The following THAP5 variants were observed in gnomAD, a reference collection of about 807,000 sequenced individuals.
The protein encoded by THAP5 is THAP domain containing 5, also known as THAP domain-containing protein 5.
Under a neutral mutation model 34.0 loss-of-function variants are expected in THAP5, and 26 were observed. The observed-to-expected ratio is 0.77, with a 90% confidence interval of 0.56 to 1.06. The LOEUF is 1.06. THAP5 is among the 50% of genes least tolerant of loss of function. The pLI is 0.00. For missense variants in THAP5, 394 were observed against 452.8 expected, an observed-to-expected ratio of 0.87 and a Z score of 1.18; for synonymous variants, 125 against 153.0, an observed-to-expected ratio of 0.82 and a Z score of 1.35.
chr7:108,566,757 C>T (rs1342554502), intron 1 of THAP5, among the ~76,000 whole-genome samples: 3 of 152,042 alleles, frequency 2.0e-5, no homozygotes, highest in Non-Finnish European at 2.9e-5. Flanking sequence ...GGCAAGACAG[C>T]GCTGTATACA....
chr7:108,560,059 A>G (rs1198421312), downstream of THAP5, among the ~76,000 whole-genome samples: 2 of 152,206 alleles, frequency 1.3e-5, no homozygotes, highest in African/African-American at 4.8e-5. Flanking sequence ...CTCTAAATTT[A>G]TTATGTTAAA....
At chr7:108,557,103 C>T (rs1864391649) in intron 1 of THAP5, among the ~76,000 whole-genome samples, 1 of 152,244 alleles carries the variant, frequency 6.6e-6, no homozygotes, top group South Asian at 2.1e-4. Flanking sequence ...TGCAGGGTGC[C>T]ATGTCCCAGG....
At chr7:108,559,971 T>A (rs540146800), downstream of THAP5, among the ~76,000 whole-genome samples, 2 of 152,356 alleles carry the variant, frequency 1.3e-5, no homozygotes, top group East Asian at 3.9e-4. Context: ...TAGAGCTTCT[T>A]TTATTAAAAC....
chr7:108,547,161 C>T, the THAP5 span, among the ~76,000 whole-genome samples: 13 of 152,158 alleles, frequency 8.5e-5, no homozygotes, highest in Non-Finnish European at 1.3e-4. Flanking sequence ...GTATAGTGTC[C>T]GTCATCTGTC....
chr7:108,565,241 T>C, intron 2 of THAP5, 136 bp from the exon 3 acceptor site: 1 of 610,322 alleles, frequency 1.6e-6, no homozygotes, highest in Admixed American at 3.5e-5. Context: ...AGAGTATATA[T>C]ACCTTAAAGT....
chr7:108,545,145 G>A, the THAP5 span, among the ~76,000 whole-genome samples: 4 of 152,154 alleles, frequency 2.6e-5, no homozygotes, highest in Non-Finnish European at 4.4e-5. Context: ...TAGACACACT[G>A]CCAAGAATGA....
At position 108,562,146 on chromosome 7, in the gene THAP5, T is replaced by C. The variant is rs1864440308; in HGVS notation, c.*2045A>G. 6.6e-6 allele frequency: 1 copy of C among 152,232 alleles called. No homozygotes were observed. The highest frequency in any genetic ancestry group is 6.5e-5 in the Admixed American group (1 of 15,282). The allele number at this position is 152,232 out of a possible 1,614,324, so 9.4% of individuals were successfully genotyped here. ...TTTTCAGATAGTCAACTTTTACTTA[T>C]AATTTATTAAAGAAATAAAGCTAGT... On this transcript the variant is annotated 3_prime_UTR_variant, in exon 3 of 3. Coordinates refer to ENST00000415914, the MANE Select transcript of THAP5 (RefSeq NM_001130475.3).
Position 108,569,596 on chromosome 7 carries a change from G to A in THAP5, c.-27C>T, listed in dbSNP as rs757029611. The A allele has an allele frequency of 9.0e-6, 14 of 1,550,032 alleles. No homozygotes were observed. In the African/African-American group the frequency reaches 1.2e-4, roughly 14 times the overall value. ...ACTCGGGTGAGGCCCCTGGAGACCGGGGCCGGCGACGGATGCAGGGCGGCC... is the reference window on the plus strand; with the variant it reads ...ACTCGGGTGAGGCCCCTGGAGACCGAGGCCGGCGACGGATGCAGGGCGGCC... On this transcript the variant is annotated 5_prime_UTR_variant, in exon 1 of 3. Transcript: ENST00000415914.
rs1283485707 is a variant in THAP5, at chr7:108,563,150, C to T, written c.*1041G>A. 1 of 152,008 alleles carries T rather than the reference C, an allele frequency of 6.6e-6. No homozygotes were observed. The highest frequency in any genetic ancestry group is 2.4e-5 in the African/African-American group (1 of 41,358). 9.4% of individuals were successfully genotyped at this position (152,008 alleles called of 1,614,324 possible). On this transcript the variant is annotated 3_prime_UTR_variant, in exon 3 of 3. Coordinates refer to ENST00000415914, the MANE Select transcript of THAP5 (RefSeq NM_001130475.3). ...TGATGGTTAGCCACATATAAGTTAC[C>T]GAAATACATATTCTTTCAAGTTTGA...
At chr7:108,549,381 A>G in the THAP5 span, among the ~76,000 whole-genome samples, 1 of 152,110 alleles carries the variant, frequency 6.6e-6, no homozygotes, top group Non-Finnish European at 1.5e-5. Flanking sequence ...CGGCCTCCCA[A>G]AGTGCTGGGA....
chr7:108,560,801 C>T (rs919728427), downstream of THAP5, among the ~76,000 whole-genome samples: 4 of 152,076 alleles, frequency 2.6e-5, no homozygotes, highest in East Asian at 3.9e-4. Context: ...CGTGCAGTGG[C>T]GCAGTCATGG....
rs1487411311 is a variant in THAP5 at position 108,564,569 on chromosome 7, A to G, written c.810T>C (p.Ser270=). The change falls in exon 3 of 3, where the codon TCT becomes TCC. Residue 270 remains serine, a synonymous_variant. Transcript: ENST00000415914. ...TVEELNTNKE[S]VIAIFVPAEN... ...CAGCAGGTACAAAAATGGCAATAAC[A>G]GATTCTTTATTTGTGTTTAATTCTT... 3 of 1,613,864 alleles carry G rather than the reference A, an allele frequency of 1.9e-6. No individual in the cohort carries two copies. Among genetic ancestry groups the G allele is most frequent in the South Asian group, 1.1e-5 (1 of 91,054 alleles).
At chr7:108,567,004 A>G (rs1331495436) in intron 1 of THAP5, among the ~76,000 whole-genome samples, 2 of 152,146 alleles carry the variant, frequency 1.3e-5, no homozygotes, top group Admixed American at 1.3e-4. Context: ...TCTCATATAA[A>G]ATGTAGCTGT....
chr7:108,543,200 T>C, the THAP5 span, among the ~76,000 whole-genome samples: 1 of 152,186 alleles, frequency 6.6e-6, no homozygotes, highest in African/African-American at 2.4e-5. Context: ...GTGCTGGGAT[T>C]ACCTGTGTGA....
At chr7:108,553,851 T>C (rs1205595693), downstream of THAP5, among the ~76,000 whole-genome samples, 1 of 152,172 alleles carries the variant, frequency 6.6e-6, no homozygotes, top group Non-Finnish European at 1.5e-5. Context: ...CTTTCTCTGG[T>C]TGCCACTGAG....
chr7:108,549,958 T>C (rs1205605506), downstream of THAP5, among the ~76,000 whole-genome samples: 1 of 152,234 alleles, frequency 6.6e-6, no homozygotes, highest in Non-Finnish European at 1.5e-5. Context: ...TTCCTTTTGC[T>C]TCTTTCTTGA....
chr7:108,549,284 G>C, the THAP5 span, among the ~76,000 whole-genome samples: 1 of 152,040 alleles, frequency 6.6e-6, no homozygotes, highest in East Asian at 1.9e-4. Flanking sequence ...ACCACGCCCA[G>C]CTAATTTTTG....
rs557868738 is a variant in THAP5 at position 108,562,611 on chromosome 7, A to G, written c.*1580T>C. The G allele has an allele frequency of 2.6e-5, 4 of 152,354 alleles. No individual in the cohort carries two copies. Among genetic ancestry groups the G allele is most frequent in the African/African-American group, 9.6e-5 (4 of 41,590 alleles). The allele number at this position is 152,354 out of a possible 1,614,324, so 9.4% of individuals were successfully genotyped here. A position where few individuals can be genotyped will look rare whatever the true frequency, so the allele number is the denominator to read the frequency against. ...TACAAAATTCTCAAAGCCACTCTTT[A>G]AGGTAAGTAATAGTACGTTCTACTT... On this transcript the variant is annotated 3_prime_UTR_variant, in exon 3 of 3. Transcript: ENST00000415914.
chr7:108,542,043 G>A, the THAP5 span, among the ~76,000 whole-genome samples: 1 of 152,154 alleles, frequency 6.6e-6, no homozygotes, highest in Non-Finnish European at 1.5e-5. Context: ...TGAATTGGCT[G>A]AAGATCAGGA....
Sources: allele counts gnomAD v4.1 joint callset (sites outside exome capture counted in the v4.1 genomes callset), GRCh38; gene constraint gnomAD v4.1.1; transcripts MANE v1.5; gene names NCBI Gene and HGNC (gene_info 2026-07-23, HGNC 2026-07-21).